The following CDYL variants were observed in gnomAD, a reference collection of about 807,000 sequenced individuals.
The protein encoded by CDYL is chromodomain Y-like protein.
Under a neutral mutation model 47.3 loss-of-function variants are expected in CDYL, and 8 were observed. The observed-to-expected ratio is 0.17, with a 90% CI of 0.10 to 0.31. The LOEUF (loss-of-function observed/expected upper bound fraction) is 0.31. CDYL is among the 10% of genes least tolerant of loss of function. The pLI is 1.00. For synonymous variants in CDYL, 266 were observed against 265.0 expected, an observed-to-expected ratio of 1.00 and a Z score of -0.04; for missense variants, 471 against 701.4, an observed-to-expected ratio of 0.67 and a Z score of 3.71.
intron 1 of CDYL, among the ~76,000 whole-genome samples, chr6:4,819,162 C>CTCTCTGTGTGTGTGTG (rs1016051589): frequency 4.5e-5 from 5 of 111,944 alleles, no homozygotes; most frequent in African/African-American, 1.9e-4. Flanking sequence ...CTCTCTCTCT[C>CTCTCTGTGTGTGTGTG]TGTGTGTGTG....
chr6:4,915,291 C>CTGCT lies in CDYL; in HGVS notation c.692-20223_692-20220dup, dbSNP rs1488998886. Among the ~76,000 whole-genome samples the CTGCT allele has an allele frequency of 5.3e-5, 8 of 152,336 alleles. No homozygotes were observed. The East Asian group carries it at 1.5e-3, about 29-fold the overall frequency. On this transcript the variant is annotated intron_variant, in intron 2 of 6. Transcript: ENST00000397588. The stretch of plus-strand genomic sequence containing the variant: ...ATCTTCCAAAACACATTTTACCACT[C>CTGCT]TGCTCTCTAGCCAGTGAACACATTT...
intron 2 of CDYL, 149 bp from the exon 3 acceptor site, chr6:4,935,366 T>C (rs1031889220): frequency 1.9e-4 from 134 of 696,260 alleles, no homozygotes; most frequent in Non-Finnish European, 1.8e-4. Flanking sequence ...AAGTAGACTT[T>C]GGCTTTCTAA....
rs149615767 is a variant in CDYL at position 4,727,714 on chromosome 6, C to T, written c.104-7048C>T. Among the ~76,000 whole-genome samples, 9 of 152,140 alleles carry T rather than the reference C, an allele frequency of 5.9e-5. No individual in the cohort carries two copies. The East Asian group carries it at 1.7e-3, about 29-fold the overall frequency. ...TGAATTTTCCCTGACAAACCGCTTC[C>T]AGCTGCCCTTTGGGGTGGGATGCCA... On this transcript the variant is annotated intron_variant, in intron 2 of 8. Transcript: ENST00000328908.
chr6:4,932,884 C>T (rs188279537), intron 2 of CDYL, among the ~76,000 whole-genome samples: 17 of 152,250 alleles, frequency 1.1e-4, no homozygotes, highest in Admixed American at 2.6e-4. Flanking sequence ...TTTTATTGAT[C>T]GATTTTTAGT....
chr6:4,750,290 C>T (rs1257902029), intron 3 of CDYL, among the ~76,000 whole-genome samples: 6 of 152,146 alleles, frequency 3.9e-5, no homozygotes, highest in African/African-American at 1.4e-4. Context: ...GCAACCTCCA[C>T]CTCCCGGGTT....
At chr6:4,810,059 T>C (rs557266794) in intron 1 of CDYL, among the ~76,000 whole-genome samples, 3 of 152,246 alleles carry the variant, frequency 2.0e-5, no homozygotes, top group Admixed American at 6.5e-5. Flanking sequence ...TATTAGTCCT[T>C]GGTGATGTTT....
chr6:4,875,215 G>T (rs528911419), intron 1 of CDYL, among the ~76,000 whole-genome samples: 1 of 152,230 alleles, frequency 6.6e-6, no homozygotes, highest in African/African-American at 2.4e-5. Context: ...TTTAGCCACT[G>T]TAGTAAGACT....
chr6:4,819,882 G>A (rs1231681463), intron 1 of CDYL, among the ~76,000 whole-genome samples: 1 of 152,150 alleles, frequency 6.6e-6, no homozygotes, highest in Non-Finnish European at 1.5e-5. Flanking sequence ...GAGTTACCTG[G>A]CCCCAGATGC....
chr6:4,772,210 A>C (rs142485719), upstream of CDYL, among the ~76,000 whole-genome samples: 53 of 152,350 alleles, frequency 3.5e-4, no homozygotes, highest in East Asian at 9.3e-3. Flanking sequence ...AAGAGGTCTC[A>C]GAATTGGCAT....
intron 2 of CDYL, chr6:4,725,035 C>T (rs1006310967): frequency 2.0e-5 from 3 of 152,150 alleles, no homozygotes; most frequent in Non-Finnish European, 4.4e-5. Context: ...CCTTTACAAT[C>T]CCTGAGCTGG....
chr6:4,789,025 G>A (rs2038069), intron 1 of CDYL, among the ~76,000 whole-genome samples: 37,647 of 151,852 alleles, frequency 0.25, 6,320 homozygotes, highest in African/African-American at 0.48. Context: ...ATTCTGTCCC[G>A]GGAATAGCCA....
intron 1 of CDYL, among the ~76,000 whole-genome samples, chr6:4,865,265 C>T (rs1310885097): frequency 1.3e-5 from 2 of 152,140 alleles, no homozygotes; most frequent in African/African-American, 2.4e-5. Flanking sequence ...CCTCCCTTCC[C>T]GCCAAACTAC....
At chr6:4,782,612 G>C (rs1246521903) in intron 1 of CDYL, among the ~76,000 whole-genome samples, 1 of 152,144 alleles carries the variant, frequency 6.6e-6, no homozygotes, top group Non-Finnish European at 1.5e-5. Context: ...TATGAGTCTA[G>C]ATATGACTTT....
At chr6:4,863,662 A>T (rs1055531908) in intron 1 of CDYL, among the ~76,000 whole-genome samples, 1 of 152,218 alleles carries the variant, frequency 6.6e-6, no homozygotes, top group African/African-American at 2.4e-5. Flanking sequence ...TTTGTTCTAC[A>T]AGCATGTTTA....
At chr6:4,791,743 G>C (rs1758923515) in intron 1 of CDYL, among the ~76,000 whole-genome samples, 1 of 151,910 alleles carries the variant, frequency 6.6e-6, no homozygotes, top group Non-Finnish European at 1.5e-5. Context: ...TACCACCCTG[G>C]TCTAACTACT....
chr6:4,859,621 G>A (rs988628933), intron 1 of CDYL, among the ~76,000 whole-genome samples: 3 of 152,154 alleles, frequency 2.0e-5, no homozygotes, highest in Non-Finnish European at 4.4e-5. Flanking sequence ...TTTGATGAGT[G>A]CTAGTTCTGC....
chr6:4,795,574 A>G (rs1310451524), intron 1 of CDYL, among the ~76,000 whole-genome samples: 3 of 152,016 alleles, frequency 2.0e-5, no homozygotes, highest in South Asian at 2.1e-4. Context: ...TATGAGTACT[A>G]TTTCTTGAAT....
At chr6:4,892,675 T>G (rs1038716020) in intron 2 of CDYL, among the ~76,000 whole-genome samples, 5 of 152,262 alleles carry the variant, frequency 3.3e-5, no homozygotes, top group Non-Finnish European at 7.3e-5. Flanking sequence ...ACAGCAAGTT[T>G]CTGAAGCTGT....
At chr6:4,766,360 C>T (rs1262118023) in intron 3 of CDYL, among the ~76,000 whole-genome samples, 1 of 151,994 alleles carries the variant, frequency 6.6e-6, no homozygotes, top group Non-Finnish European at 1.5e-5. Flanking sequence ...CAGGCATGTG[C>T]CACCATGCCT....
Sources: gnomAD v4.1 joint callset for allele counts (sites outside exome capture counted in the v4.1 genomes callset) on GRCh38, gnomAD v4.1.1 for gene constraint, MANE v1.5 for transcripts, NCBI Gene and HGNC (gene_info 2026-07-23, HGNC 2026-07-21) for gene names.